TAFA5: variants seen among roughly 807,000 people sequenced by gnomAD.
The protein encoded by TAFA5 is chemokine-like protein TAFA-5.
Under a neutral mutation model 15.3 loss-of-function variants are expected in TAFA5, and 6 were observed. The observed-to-expected ratio is 0.39, with a 90% confidence interval of 0.21 to 0.77. The LOEUF is 0.77. Among genes scored for constraint, TAFA5 ranks in the 30% least tolerant of loss-of-function variants. TAFA5 has a pLI of 0.41. For synonymous variants in TAFA5, 103 were observed against 80.7 expected (o/e 1.28, Z -1.48); for missense variants, 161 against 193.1 (o/e 0.83, Z 0.98).
At chr22:48,527,099 C>T (rs980989256) in intron 1 of TAFA5, among the ~76,000 whole-genome samples, 3 of 152,240 alleles carry the variant, frequency 2.0e-5, no homozygotes, top group African/African-American at 7.2e-5. Flanking sequence ...GTAACAGCCC[C>T]ACCCAGTGCC....
intron 1 of TAFA5, among the ~76,000 whole-genome samples, chr22:48,645,813 G>T (rs1014195591): frequency 6.6e-6 from 1 of 152,168 alleles, no homozygotes; most frequent in African/African-American, 2.4e-5. Context: ...TGGTGAGCCT[G>T]AGACCCCTGG....
chr22:48,723,249 G>C (rs11912977), intron 3 of TAFA5, among the ~76,000 whole-genome samples: 35,074 of 152,172 alleles, frequency 0.23, 4,313 homozygotes, highest in Admixed American at 0.33. Flanking sequence ...GCCACAGTGG[G>C]AATGAAATAC....
chr22:48,587,772 CT>C (rs1924414596), intron 1 of TAFA5, among the ~76,000 whole-genome samples: 1 of 152,274 alleles, frequency 6.6e-6, no homozygotes, highest in African/African-American at 2.4e-5. Context: ...CAAACACGGC[CT>C]TCTGCCCTTG....
At chr22:48,736,862 G>T (rs6010506) in intron 3 of TAFA5, among the ~76,000 whole-genome samples, 1,618 of 152,332 alleles carry the variant, frequency 0.011, 25 homozygotes, top group African/African-American at 0.037. Context: ...TGACGGGTAT[G>T]GCGTTGCTTT....
At chr22:48,624,145 G>A (rs1925946985) in intron 1 of TAFA5, among the ~76,000 whole-genome samples, 1 of 152,204 alleles carries the variant, frequency 6.6e-6, no homozygotes, top group Non-Finnish European at 1.5e-5. Flanking sequence ...GCGAAGTTGG[G>A]TATTTTACTA....
At chr22:48,577,347 G>A (rs1345404059) in intron 1 of TAFA5, among the ~76,000 whole-genome samples, 3 of 152,198 alleles carry the variant, frequency 2.0e-5, no homozygotes, top group Non-Finnish European at 4.4e-5. Context: ...AAACTTCCTG[G>A]TTTCAGGGCC....
rs575364878 is a variant in TAFA5 at position 48,685,312 on chromosome 22, G to A, written c.263-22405G>A. Among the ~76,000 whole-genome samples, 8 of 152,308 alleles carry A rather than the reference G, an allele frequency of 5.3e-5. No homozygotes were observed. The East Asian group carries it at 1.3e-3, about 26-fold the overall frequency. ...TCAGAGAGAATGAATGTCTCTCCTA[G>A]GACCTTAAAAGGTGTCAGACTCTTA... On this transcript the variant is annotated intron_variant, in intron 2 of 3. Coordinates refer to ENST00000402357, the MANE Select transcript of TAFA5 (RefSeq NM_001082967.3).
At chr22:48,664,937 A>C (rs1479702878) in intron 2 of TAFA5, among the ~76,000 whole-genome samples, 1 of 152,142 alleles carries the variant, frequency 6.6e-6, no homozygotes, top group Non-Finnish European at 1.5e-5. Context: ...GTGTCCACTG[A>C]CTTATCTCCA....
At chr22:48,634,195 A>C (rs947425153) in intron 1 of TAFA5, among the ~76,000 whole-genome samples, 7 of 151,540 alleles carry the variant, frequency 4.6e-5, no homozygotes, top group South Asian at 2.1e-4. Flanking sequence ...CTCATCACTC[A>C]CCCATCACTC....
chr22:48,613,197 C>T (rs753331156), intron 1 of TAFA5, among the ~76,000 whole-genome samples: 6 of 152,196 alleles, frequency 3.9e-5, no homozygotes, highest in Non-Finnish European at 7.4e-5. Flanking sequence ...TTCTGAGTCA[C>T]GCCGTATTCC....
intron 2 of TAFA5, among the ~76,000 whole-genome samples, chr22:48,701,970 A>G (rs1478669329): frequency 6.6e-6 from 1 of 152,064 alleles, no homozygotes; most frequent in Non-Finnish European, 1.5e-5. Flanking sequence ...CTGTCTGGGG[A>G]GGCAGCTTGA....
intron 2 of TAFA5, chr22:48,693,467 A>C: frequency 6.3e-7 from 1 of 1,584,970 alleles, no homozygotes; most frequent in Non-Finnish European, 8.6e-7. Context: ...GCTGTGACTC[A>C]ACCATGGGTA....
intron 3 of TAFA5, among the ~76,000 whole-genome samples, chr22:48,732,142 G>A (rs529595605): frequency 6.6e-6 from 1 of 152,340 alleles, no homozygotes; most frequent in Non-Finnish European, 1.5e-5. Context: ...AAGAGAACTC[G>A]ATTTGGAAGT....
At chr22:48,563,146 C>T (rs1158527627) in intron 1 of TAFA5, among the ~76,000 whole-genome samples, 1 of 152,212 alleles carries the variant, frequency 6.6e-6, no homozygotes, top group Non-Finnish European at 1.5e-5. Context: ...GGTACTTGGC[C>T]AGGTCTTTGC....
intron 2 of TAFA5, among the ~76,000 whole-genome samples, chr22:48,662,835 C>T (rs188839052): frequency 2.0e-5 from 3 of 152,342 alleles, no homozygotes; most frequent in East Asian, 1.9e-4. Flanking sequence ...CTGGCCTACC[C>T]GCTGTCGCAG....
intron 3 of TAFA5, among the ~76,000 whole-genome samples, chr22:48,731,810 A>T (rs1929877417): frequency 6.6e-6 from 1 of 152,240 alleles, no homozygotes; most frequent in Non-Finnish European, 1.5e-5. Context: ...TCATGCTGCT[A>T]ACACAACATC....
chr22:48,564,714 G>A (rs950380743), intron 1 of TAFA5, among the ~76,000 whole-genome samples: 7 of 152,206 alleles, frequency 4.6e-5, no homozygotes, highest in Non-Finnish European at 8.8e-5. Context: ...GGGCTCCAGC[G>A]GTTGGAGAAA....
At chr22:48,625,792 A>C (rs1211311306) in intron 1 of TAFA5, among the ~76,000 whole-genome samples, 1 of 152,190 alleles carries the variant, frequency 6.6e-6, no homozygotes, top group African/African-American at 2.4e-5. Flanking sequence ...GTTCACCATC[A>C]CAGCATCCTA....
intron 2 of TAFA5, among the ~76,000 whole-genome samples, chr22:48,670,835 C>A (rs1190577436): frequency 6.6e-6 from 1 of 152,156 alleles, no homozygotes; most frequent in Non-Finnish European, 1.5e-5. Flanking sequence ...TTTGAGGCAG[C>A]TTTATGGGCC....
Sources: allele counts gnomAD v4.1 joint callset (sites outside exome capture counted in the v4.1 genomes callset), GRCh38; gene constraint gnomAD v4.1.1; transcripts MANE v1.5; gene names NCBI Gene and HGNC (gene_info 2026-07-23, HGNC 2026-07-21).